NKAIN3: variants seen among roughly 807,000 people sequenced by gnomAD.
The protein encoded by NKAIN3 is sodium/potassium transporting ATPase interacting 3.
Under a neutral mutation model 30.2 loss-of-function variants are expected in NKAIN3, and 25 were observed. That is an observed-to-expected ratio of 0.83 (90% confidence interval 0.60 to 1.16). The LOEUF is 1.16. NKAIN3 is among the 50% of genes most tolerant of loss of function. NKAIN3 has a pLI of 0.00. For missense variants in NKAIN3, 225 were observed against 254.1 expected, an observed-to-expected ratio of 0.89 and a Z score of 0.78; for synonymous variants, 91 against 89.6, an observed-to-expected ratio of 1.02 and a Z score of -0.09.
At chr8:62,568,399 G>C (rs1323933960) in intron 1 of NKAIN3, among the ~76,000 whole-genome samples, 1 of 152,070 alleles carries the variant, frequency 6.6e-6, no homozygotes, top group Non-Finnish European at 1.5e-5. Flanking sequence ...TAGTATTACT[G>C]TTTTGTAGGC....
At chr8:62,283,634 T>C (rs1813275199) in intron 1 of NKAIN3, among the ~76,000 whole-genome samples, 2 of 152,158 alleles carry the variant, frequency 1.3e-5, no homozygotes, top group African/African-American at 2.4e-5. Flanking sequence ...AATTATCTTA[T>C]ATATTTCATC....
In NKAIN3 at chr8:62,640,274, C is replaced by T. The variant is rs548255747; in HGVS notation, c.273+50480C>T. 6.6e-5 allele frequency among the ~76,000 whole-genome samples: 10 copies of T among 152,122 alleles called. No homozygotes were observed. In the East Asian group the frequency reaches 1.6e-3, roughly 24 times the overall value. ...GTGGGAGGTGATAGGATCACGGGGGCGGTTTCCCCCATGCTCTTCTCATGA... is the reference window on the plus strand; with the variant it reads ...GTGGGAGGTGATAGGATCACGGGGGTGGTTTCCCCCATGCTCTTCTCATGA... On this transcript the variant is annotated intron_variant, in intron 3 of 6. Coordinates refer to ENST00000623646, the MANE Select transcript of NKAIN3 (RefSeq NM_001304533.3).
intron 1 of NKAIN3, among the ~76,000 whole-genome samples, chr8:62,412,738 C>G (rs1486852040): frequency 6.6e-6 from 1 of 150,978 alleles, no homozygotes; most frequent in East Asian, 2.0e-4. Flanking sequence ...ATGGTGAAAC[C>G]CTGTCTCTAC....
intron 4 of NKAIN3, among the ~76,000 whole-genome samples, chr8:62,767,026 G>A (rs1816860370): frequency 6.6e-6 from 1 of 152,014 alleles, no homozygotes; most frequent in Non-Finnish European, 1.5e-5. Context: ...CCAGCAAGGA[G>A]TAGTGGACAT....
At chr8:62,428,970 T>C (rs2129597312) in intron 1 of NKAIN3, among the ~76,000 whole-genome samples, 1 of 152,096 alleles carries the variant, frequency 6.6e-6, no homozygotes, top group East Asian at 1.9e-4. Flanking sequence ...CATTCTTAGA[T>C]TTGAGTCTTT....
At chr8:62,318,056 A>C (rs1342282315) in intron 1 of NKAIN3, among the ~76,000 whole-genome samples, 2 of 152,134 alleles carry the variant, frequency 1.3e-5, no homozygotes, top group Non-Finnish European at 2.9e-5. Flanking sequence ...ATGGGAATTT[A>C]CTCATGATTT....
intron 1 of NKAIN3, among the ~76,000 whole-genome samples, chr8:62,344,583 T>A (rs1815865691): frequency 6.6e-6 from 1 of 152,114 alleles, no homozygotes; most frequent in Non-Finnish European, 1.5e-5. Context: ...AAAAGCATAC[T>A]ACAACAGTGT....
At chr8:62,999,582 G>A (rs1407660147) in exon 6 of NKAIN3, 2 of 152,138 alleles carry the variant, frequency 1.3e-5, no homozygotes, top group African/African-American at 2.4e-5. Flanking sequence ...CCATCCTTGA[G>A]TTATCTTTTC....
intron 1 of NKAIN3, among the ~76,000 whole-genome samples, chr8:62,288,118 AGTGCCTTTGGTAGAATCACATTCT>A (rs1813441100): frequency 2.6e-5 from 4 of 152,150 alleles, no homozygotes; most frequent in African/African-American, 7.2e-5. Context: ...GTGCTTCTAC[AGTGCCTTTGGTAGAATCACATTCT>A]GCCTTTGGGT....
rs368202258 is a variant in NKAIN3, at chr8:62,848,581, G to A, written c.472-69872G>A. Among the ~76,000 whole-genome samples, 26 of 152,162 alleles carry A rather than the reference G, an allele frequency of 1.7e-4. No individual in the cohort carries two copies. The East Asian group carries it at 3.5e-3, about 20-fold the overall frequency. On this transcript the variant is annotated intron_variant, in intron 4 of 6. Coordinates refer to ENST00000623646, the MANE Select transcript of NKAIN3 (RefSeq NM_001304533.3). The stretch of plus-strand genomic sequence containing the variant: ...AAGAAGCTTCTTGGCCGAGACGATG[G>A]GATATTCTAGACATAGGATCATGTC...
At chr8:62,880,038 G>C (rs1207969652) in intron 4 of NKAIN3, among the ~76,000 whole-genome samples, 1 of 152,176 alleles carries the variant, frequency 6.6e-6, no homozygotes, top group Non-Finnish European at 1.5e-5. Context: ...CTCCGAGTAA[G>C]AGATCGCCAG....
rs532335922 is a variant in NKAIN3 at position 62,640,518 on chromosome 8, A to ATGAAC, written c.273+50726_273+50730dup. Among the ~76,000 whole-genome samples the ATGAAC allele has an allele frequency of 1.2e-4, 18 of 152,262 alleles. No individual in the cohort carries two copies. In the South Asian group the frequency reaches 3.7e-3, roughly 32 times the overall value. Reference sequence around the variant, plus strand: ...GTAGTATCTCTATAACAGTGTGAGAATGAACTAATACAGTATCTCATAAAG... The same window carrying ATGAAC: ...GTAGTATCTCTATAACAGTGTGAGAATGAACTGAACTAATACAGTATCTCATAAAG... On this transcript the variant is annotated intron_variant, in intron 3 of 6. Coordinates refer to ENST00000623646, the MANE Select transcript of NKAIN3 (RefSeq NM_001304533.3).
chr8:62,717,413 A>C (rs1022787851), intron 3 of NKAIN3, among the ~76,000 whole-genome samples: 1 of 152,040 alleles, frequency 6.6e-6, no homozygotes, highest in Non-Finnish European at 1.5e-5. Context: ...ACGTCTGCCT[A>C]TAAGACTGGT....
At chr8:62,900,779 C>T (rs768367851) in intron 4 of NKAIN3, among the ~76,000 whole-genome samples, 2 of 152,120 alleles carry the variant, frequency 1.3e-5, no homozygotes, top group Non-Finnish European at 2.9e-5. Flanking sequence ...AAATACCTTA[C>T]CCAAGGCTCA....
chr8:62,531,180 G>A, intron 1 of NKAIN3, among the ~76,000 whole-genome samples: 1 of 152,138 alleles, frequency 6.6e-6, no homozygotes, highest in East Asian at 1.9e-4. Flanking sequence ...GGACACATCA[G>A]CAAATACTCC....
chr8:62,266,550 G>C (rs1421365740), intron 1 of NKAIN3, among the ~76,000 whole-genome samples: 1 of 152,170 alleles, frequency 6.6e-6, no homozygotes, highest in African/African-American at 2.4e-5. Context: ...GTAATTTAAA[G>C]GAAATCTTGA....
chr8:62,377,338 T>G (rs1817120019), intron 1 of NKAIN3, among the ~76,000 whole-genome samples: 1 of 152,226 alleles, frequency 6.6e-6, no homozygotes, highest in Non-Finnish European at 1.5e-5. Flanking sequence ...AATTCTCTTA[T>G]TTATTAAGAG....
intron 1 of NKAIN3, among the ~76,000 whole-genome samples, chr8:62,448,336 C>T (rs556205953): frequency 1.1e-4 from 16 of 151,550 alleles, no homozygotes; most frequent in South Asian, 8.3e-4. Context: ...ACCAATATTA[C>T]GGAAAACTTT....
At chr8:62,335,709 G>T (rs919723284) in intron 1 of NKAIN3, among the ~76,000 whole-genome samples, 2 of 151,914 alleles carry the variant, frequency 1.3e-5, no homozygotes, top group Non-Finnish European at 2.9e-5. Context: ...CCAGATGCAG[G>T]TCACTAGATC....
Sources: gnomAD v4.1 joint callset for allele counts (sites outside exome capture counted in the v4.1 genomes callset) on GRCh38, gnomAD v4.1.1 for gene constraint, MANE v1.5 for transcripts, NCBI Gene and HGNC (gene_info 2026-07-23, HGNC 2026-07-21) for gene names.